The following HS3ST4 variants were observed in gnomAD, a reference collection of about 807,000 sequenced individuals.
HS3ST4 encodes the protein heparan sulfate glucosamine 3-O-sulfotransferase 4.
Under a neutral mutation model 29.2 loss-of-function variants are expected in HS3ST4, and 17 were observed. That is an observed-to-expected ratio of 0.58 (90% CI 0.40 to 0.87). HS3ST4 has a LOEUF of 0.87. HS3ST4 is among the 40% of genes least tolerant of loss of function. The pLI is 0.00. For missense variants in HS3ST4, 627 were observed against 634.5 expected (o/e 0.99, Z 0.13); for synonymous variants, 314 against 285.7 (o/e 1.10, Z -1.00).
At chr16:25,964,664 G>A (rs1333178396) in intron 1 of HS3ST4, among the ~76,000 whole-genome samples, 1 of 152,172 alleles carries the variant, frequency 6.6e-6, no homozygotes, top group African/African-American at 2.4e-5. Flanking sequence ...CTCAGTCCCT[G>A]TGAATCCTGC....
intron 1 of HS3ST4, among the ~76,000 whole-genome samples, chr16:25,733,467 C>T (rs1428530033): frequency 6.6e-6 from 1 of 152,124 alleles, no homozygotes; most frequent in East Asian, 1.9e-4. Context: ...TCATGTTTTA[C>T]AAGGTAGTGA....
chr16:25,814,640 G>A (rs566104100), intron 1 of HS3ST4, among the ~76,000 whole-genome samples: 11 of 152,276 alleles, frequency 7.2e-5, no homozygotes, highest in African/African-American at 1.4e-4. Context: ...CACAGCGCCC[G>A]GCCTATGTCT....
At chr16:25,813,398 G>T (rs1215229351) in intron 1 of HS3ST4, among the ~76,000 whole-genome samples, 4 of 152,074 alleles carry the variant, frequency 2.6e-5, no homozygotes, top group African/African-American at 9.7e-5. Context: ...GCTGAGGCGG[G>T]CGGATCACTT....
intron 1 of HS3ST4, among the ~76,000 whole-genome samples, chr16:26,106,754 G>A (rs1426970410): frequency 6.6e-6 from 1 of 152,182 alleles, no homozygotes; most frequent in Non-Finnish European, 1.5e-5. Flanking sequence ...TGTTCCCCTA[G>A]CACAGATAAA....
At chr16:26,036,234 G>A (rs1479725979) in intron 1 of HS3ST4, among the ~76,000 whole-genome samples, 1 of 152,204 alleles carries the variant, frequency 6.6e-6, no homozygotes, top group Non-Finnish European at 1.5e-5. Flanking sequence ...TGAGGCCAAG[G>A]CACTCAATAT....
At chr16:25,756,785 A>G (rs1160790068) in intron 1 of HS3ST4, among the ~76,000 whole-genome samples, 1 of 152,230 alleles carries the variant, frequency 6.6e-6, no homozygotes, top group South Asian at 2.1e-4. Flanking sequence ...CACTGTTAAA[A>G]AAATAAAAGA....
At chr16:25,846,669 TC>T (rs1308117479) in intron 1 of HS3ST4, among the ~76,000 whole-genome samples, 2 of 152,168 alleles carry the variant, frequency 1.3e-5, no homozygotes, top group Non-Finnish European at 2.9e-5. Context: ...ATTTGAGTGT[TC>T]ATTCTTTCTA....
At chr16:25,923,215 T>G (rs765341496) in intron 1 of HS3ST4, among the ~76,000 whole-genome samples, 2 of 152,230 alleles carry the variant, frequency 1.3e-5, no homozygotes, top group Admixed American at 6.5e-5. Flanking sequence ...TCTCTGGAAC[T>G]TCTGAAGAAG....
chr16:25,897,077 T>C (rs1452603791), intron 1 of HS3ST4, among the ~76,000 whole-genome samples: 4 of 152,132 alleles, frequency 2.6e-5, no homozygotes, highest in Non-Finnish European at 4.4e-5. Context: ...ATGGGTTCAA[T>C]TGTACTCCAA....
In HS3ST4 at chr16:25,852,299, T is replaced by A. The variant is rs551976014; in HGVS notation, c.734+159148T>A. The stretch of plus-strand genomic sequence containing the variant: ...TGGTTTTTATTTCTTTTTTAAAAAA[T>A]TAATTTTAATTATTTTTAAGTTCTG... On this transcript the variant is annotated intron_variant, in intron 1 of 1. Transcript: ENST00000331351. 2.9e-3 allele frequency among the ~76,000 whole-genome samples: 444 copies of A among 152,240 alleles called. 1 individual carries two copies. Among genetic ancestry groups the A allele is most frequent in the African/African-American group, 0.01 (429 of 41,572 alleles).
At chr16:25,746,082 G>A (rs1966683498) in intron 1 of HS3ST4, among the ~76,000 whole-genome samples, 1 of 152,116 alleles carries the variant, frequency 6.6e-6, no homozygotes, top group Non-Finnish European at 1.5e-5. Flanking sequence ...ATTGTTCCAT[G>A]GATTTACCTG....
chr16:25,801,399 TGTG>T (rs1966932876), intron 1 of HS3ST4, among the ~76,000 whole-genome samples: 1 of 152,214 alleles, frequency 6.6e-6, no homozygotes, highest in Admixed American at 6.6e-5. Flanking sequence ...CCTGTATGTC[TGTG>T]TACTTGTGCA....
intron 1 of HS3ST4, among the ~76,000 whole-genome samples, chr16:25,998,429 C>G (rs1040652101): frequency 6.6e-6 from 1 of 152,188 alleles, no homozygotes; most frequent in African/African-American, 2.4e-5. Flanking sequence ...CCACATCACA[C>G]TTTGGAGTCA....
chr16:25,816,705 TAC>T (rs1967095611), intron 1 of HS3ST4, among the ~76,000 whole-genome samples: 1 of 152,160 alleles, frequency 6.6e-6, no homozygotes, highest in Admixed American at 6.5e-5. Context: ...ATTTATCTCT[TAC>T]AGTTACAGGC....
At chr16:25,762,449 G>T (rs945518853) in intron 1 of HS3ST4, among the ~76,000 whole-genome samples, 3 of 152,176 alleles carry the variant, frequency 2.0e-5, no homozygotes, top group African/African-American at 4.8e-5. Flanking sequence ...TTCTGGAGAT[G>T]CTGTTACTTG....
At chr16:25,961,724 A>T (rs1434944548) in intron 1 of HS3ST4, among the ~76,000 whole-genome samples, 1 of 152,204 alleles carries the variant, frequency 6.6e-6, no homozygotes, top group Non-Finnish European at 1.5e-5. Context: ...AGATAAATTC[A>T]TTACTAAAAA....
chr16:25,721,208 A>C (rs1966491067), intron 1 of HS3ST4, among the ~76,000 whole-genome samples: 1 of 152,136 alleles, frequency 6.6e-6, no homozygotes, highest in Non-Finnish European at 1.5e-5. Context: ...GACATGGTAC[A>C]TAAACATCCC....
chr16:25,782,854 G>A (rs764840682), intron 1 of HS3ST4, among the ~76,000 whole-genome samples: 11 of 152,236 alleles, frequency 7.2e-5, no homozygotes, highest in Non-Finnish European at 1.3e-4. Context: ...AAACATGAGC[G>A]TATGAAATGC....
chr16:25,791,187 A>C (rs1278348887), intron 1 of HS3ST4, among the ~76,000 whole-genome samples: 2 of 152,132 alleles, frequency 1.3e-5, no homozygotes, highest in African/African-American at 4.8e-5. Flanking sequence ...TTTGTCACAA[A>C]TCAAGTTATT....
Sources: allele counts gnomAD v4.1 joint callset (sites outside exome capture counted in the v4.1 genomes callset), GRCh38; gene constraint gnomAD v4.1.1; transcripts MANE v1.5; gene names NCBI Gene and HGNC (gene_info 2026-07-23, HGNC 2026-07-21).